Variants in CCNF observed in about 807,000 individuals in gnomAD.
The protein encoded by CCNF is cyclin-F.
Under a neutral mutation model 85.4 loss-of-function variants are expected in CCNF, and 30 were observed. The observed-to-expected ratio is 0.35, with a 90% confidence interval of 0.26 to 0.48. The LOEUF (loss-of-function observed/expected upper bound fraction) is 0.48, where lower values mean the gene tolerates loss of function less well. Ranked by LOEUF, CCNF falls within the 20% of genes least tolerant of loss-of-function variation. The probability of loss-of-function intolerance (pLI) is 0.99; values close to 1 mark genes in which losing one functional copy is unlikely to be tolerated. For synonymous variants in CCNF, 439 were observed against 425.1 expected, an observed-to-expected ratio of 1.03 and a Z score of -0.40; for missense variants, 919 against 1,010.4, an observed-to-expected ratio of 0.91 and a Z score of 1.23.
chr16:2,455,541 G>A lies in CCNF; in HGVS notation c.1862G>A (p.Ser621Asn). Residue 621 changes from serine (S) to asparagine (N), a missense_variant, in exon 16 of 17, where the codon AGT (serine) becomes AAT (asparagine). This residue lies in a region of CCNF where 505 missense variants were observed against 514.8 expected (regional missense o/e 0.98). Transcript: ENST00000397066. ...CCSGYEGDQE[S>N]EGEKEGDVTA... is the part of the protein sequence containing the mutation. ...TCTGGCTATGAAGGCGACCAGGAGA[G>A]TGAGGGCGAGAAGGAGGGCGACGGT... The A allele has an allele frequency of 6.2e-7, 1 of 1,600,564 alleles. No homozygotes were observed. Among genetic ancestry groups the A allele is most frequent in the Non-Finnish European group, 8.6e-7 (1 of 1,169,022 alleles).
intron 11 of CCNF, 114 bp downstream of exon 11, chr16:2,449,092 GTC>G: frequency 6.7e-7 from 1 of 1,487,450 alleles, no homozygotes; most frequent in South Asian, 1.1e-5. Flanking sequence ...GAGAGCAGCT[GTC>G]TCTGCTGTGC....
Position 2,448,886 on chromosome 16 carries a change from G to A in CCNF, c.1126G>A (p.Glu376Lys). The A allele has an allele frequency of 1.1e-5, 17 of 1,613,964 alleles. No homozygotes were observed. The highest frequency in any genetic ancestry group is 1.4e-5 in the Non-Finnish European group (17 of 1,179,808). The change falls in exon 11 of 17, where the codon GAG (glutamate) becomes AAG (lysine). Residue 376 changes from glutamate (E) to lysine (K), a missense_variant. Coordinates refer to ENST00000397066, the MANE Select transcript of CCNF (RefSeq NM_001761.3). ...FISKEILTIR[E>K]AVWLTDNTYK... ...CAGTAAAGAGATCCTGACCATCCGG[G>A]AGGCCGTATGGCTCACGGACAACAC...
At chr16:2,429,628 G>C in intron 1 of CCNF, 131 bp downstream of exon 1, 1 of 951,016 alleles carries the variant, frequency 1.1e-6, no homozygotes, top group Non-Finnish European at 1.4e-6. Flanking sequence ...TCTTTAACCC[G>C]GGGCGGATGT....
At chr16:2,447,454 C>T (rs1444448906) in intron 10 of CCNF, among the ~76,000 whole-genome samples, 1 of 151,948 alleles carries the variant, frequency 6.6e-6, no homozygotes, top group African/African-American at 2.4e-5. Context: ...CGTGGTGGTG[C>T]ATGCCTGTAA....
chr16:2,449,967 G>T, intron 13 of CCNF, 52 bp downstream of exon 13: 1 of 1,286,722 alleles, frequency 7.8e-7, no homozygotes. Flanking sequence ...AGCACTTTGG[G>T]AGGCCGAGGC....
In CCNF at chr16:2,451,981, G is replaced by A. The variant is rs1462973121; in HGVS notation, c.1488-1229G>A. 2.0e-5 allele frequency among the ~76,000 whole-genome samples: 3 copies of A among 152,234 alleles called. No homozygotes were observed. Among genetic ancestry groups the A allele is most frequent in the Non-Finnish European group, 2.9e-5 (2 of 68,040 alleles). On this transcript the variant is annotated intron_variant, in intron 13 of 16. Transcript: ENST00000397066. The surrounding 1 kb of genome is among the most constrained non-coding windows in gnomAD (Gnocchi z 4.3). ...TTGCCTGTTCTGGCCCTGGTGGGTC[G>A]TGGTGCATGAAGCCCTGTGTGCCCA...
rs775441275 is a variant in CCNF, at chr16:2,443,627, A to C, written c.778-22A>C. 16 of 1,608,776 alleles carry C rather than the reference A, an allele frequency of 9.9e-6. No homozygotes were observed. In the Admixed American group the frequency reaches 2.5e-4, roughly 25 times the overall value. On this transcript the variant is annotated intron_variant, in intron 8 of 16. Coordinates refer to ENST00000397066, the MANE Select transcript of CCNF (RefSeq NM_001761.3). ...GCAACATGGCTGCTGTCTCACGCTC[A>C]TGTTTGTCTTTTCTTCCTCAGCTGT...
chr16:2,447,783 G>GCCC (rs1222695351), intron 10 of CCNF, among the ~76,000 whole-genome samples: 1 of 151,864 alleles, frequency 6.6e-6, no homozygotes, highest in African/African-American at 2.4e-5. Flanking sequence ...AGGCTGAGCT[G>GCCC]CCCCCCACCT....
chr16:2,438,176 CGA>C (rs1596918025), intron 6 of CCNF, 53 bp downstream of exon 6: 1 of 1,300,954 alleles, frequency 7.7e-7, no homozygotes, highest in East Asian at 2.3e-5. Flanking sequence ...CATCCCTAGC[CGA>C]GATCCTGGAA....
Position 2,456,241 on chromosome 16 carries a change from C to A in CCNF, c.1886-304C>A. 2.9e-6 allele frequency: 1 copy of A among 348,332 alleles called. No individual in the cohort carries two copies. Among genetic ancestry groups the A allele is most frequent in the Non-Finnish European group, 5.3e-6 (1 of 190,248 alleles). The allele number at this position is 348,332 out of a possible 1,614,324, so 21.6% of individuals were successfully genotyped here. A position where few individuals can be genotyped will look rare whatever the true frequency, so the allele number is the denominator to read the frequency against. Reference sequence around the variant, plus strand: ...CCCTGTGCAAACCCCAGGCAGACTGCGGGGTCCTTGCCAGAAGCCCAGTTA... The same window carrying A: ...CCCTGTGCAAACCCCAGGCAGACTGAGGGGTCCTTGCCAGAAGCCCAGTTA... On this transcript the variant is annotated intron_variant, in intron 16 of 16. Coordinates refer to ENST00000397066, the MANE Select transcript of CCNF (RefSeq NM_001761.3). This position sits in a 1 kb window ranked among gnomAD's most constrained non-coding sequence, Gnocchi z 4.5.
rs2065440905 is a variant in CCNF at position 2,458,150 on chromosome 16, C to T, written c.*1130C>T. 1 of 152,156 alleles carries T rather than the reference C, an allele frequency of 6.6e-6. No individual in the cohort carries two copies. The highest frequency in any genetic ancestry group is 1.5e-5 in the Non-Finnish European group (1 of 68,038). The allele number at this position is 152,156 out of a possible 1,614,324, so 9.4% of individuals were successfully genotyped here. A position where few individuals can be genotyped will look rare whatever the true frequency, so the allele number is the denominator to read the frequency against. ...GCCTGGGGCCATGTGACCATGGCCT[C>T]TCCCTGGGAACGGGCTGACCACAAC... On this transcript the variant is annotated 3_prime_UTR_variant, in exon 17 of 17. Transcript: ENST00000397066.
intron 9 of CCNF, 163 bp from the exon 10 acceptor site, chr16:2,445,295 G>A (rs916049176): frequency 3.0e-5 from 23 of 755,230 alleles, no homozygotes; most frequent in African/African-American, 3.5e-5. Context: ...GGAGCCTCCC[G>A]GGCTTCCTGT....
At chr16:2,442,755 A>AT (rs1383018143) in intron 8 of CCNF, among the ~76,000 whole-genome samples, 1 of 39,294 alleles carries the variant, frequency 2.5e-5, no homozygotes, top group Non-Finnish European at 3.7e-5. Context: ...TAATAATTAT[A>AT]ATAATATAAT....
chr16:2,448,706 TG>T, intron 10 of CCNF, 148 bp from the exon 11 acceptor site: 1 of 704,364 alleles, frequency 1.4e-6, no homozygotes, highest in Non-Finnish European at 2.4e-6. Flanking sequence ...CACAGGCAGC[TG>T]GCTCCATTAT....
At position 2,451,393 on chromosome 16, in the gene CCNF, G is replaced by A. The variant is rs2065394445; in HGVS notation, c.1487+1478G>A. Among the ~76,000 whole-genome samples the A allele has an allele frequency of 1.3e-5, 2 of 152,110 alleles. No individual in the cohort carries two copies. Among genetic ancestry groups the A allele is most frequent in the Admixed American group, 6.5e-5 (1 of 15,278 alleles). On this transcript the variant is annotated intron_variant, in intron 13 of 16. Coordinates refer to ENST00000397066, the MANE Select transcript of CCNF (RefSeq NM_001761.3). The surrounding 1 kb of genome is among the most constrained non-coding windows in gnomAD (Gnocchi z 4.3). The stretch of plus-strand genomic sequence containing the variant: ...TGGCAGTGAGGGGTGAGGGGGACAA[G>A]CACGGGGCTGAATTTGTACCCGGCC...
Position 2,453,156 on chromosome 16 carries a change from T to G in CCNF, c.1488-54T>G. 6.7e-7 allele frequency: 1 copy of G among 1,498,148 alleles called. No homozygotes were observed. The highest frequency in any genetic ancestry group is 9.3e-7 in the Non-Finnish European group (1 of 1,075,114). 92.8% of individuals were successfully genotyped at this position (1,498,148 alleles called of 1,614,324 possible). Reference sequence around the variant, plus strand: ...ATTGCTCACTTCAGTGAACTGAAGCTAAAAATGGGGTGGGGGTGCCTCACA... The same window carrying G: ...ATTGCTCACTTCAGTGAACTGAAGCGAAAAATGGGGTGGGGGTGCCTCACA... On this transcript the variant is annotated intron_variant, in intron 13 of 16. Coordinates refer to ENST00000397066, the MANE Select transcript of CCNF (RefSeq NM_001761.3). This position sits in a 1 kb window ranked among gnomAD's most constrained non-coding sequence, Gnocchi z 5.6.
Position 2,451,198 on chromosome 16 carries a change from C to T in CCNF, c.1487+1283C>T, listed in dbSNP as rs2065393310. The stretch of plus-strand genomic sequence containing the variant: ...AGGACAGAGAGTTCAGAGGTCAGGT[C>T]GTGACGAGAGAAACAGCAGGCAGGC... On this transcript the variant is annotated intron_variant, in intron 13 of 16. Transcript: ENST00000397066. The surrounding 1 kb of genome is among the most constrained non-coding windows in gnomAD (Gnocchi z 4.3). Among the ~76,000 whole-genome samples the T allele has an allele frequency of 6.6e-6, 1 of 152,194 alleles. No individual in the cohort carries two copies. The highest frequency in any genetic ancestry group is 2.1e-4 in the South Asian group (1 of 4,836).
At chr16:2,449,193 CG>C in intron 11 of CCNF, 88 bp from the exon 12 acceptor site, 1 of 1,524,662 alleles carries the variant, frequency 6.6e-7, no homozygotes, top group South Asian at 1.1e-5. Context: ...GAACATCATC[CG>C]GGCCAGACCC....
intron 15 of CCNF, among the ~76,000 whole-genome samples, chr16:2,454,208 C>T (rs942394877): frequency 1.2e-4 from 18 of 152,164 alleles, no homozygotes; most frequent in African/African-American, 3.1e-4. Context: ...AGCGTTGTGT[C>T]GGGAGTGGGC....
Sources: gnomAD v4.1 joint callset for allele counts (sites outside exome capture counted in the v4.1 genomes callset) on GRCh38, gnomAD v4.1.1 for gene constraint, gnomAD v4.1.1 regional missense constraint, Gnocchi (gnomAD v3.1) non-coding constraint, MANE v1.5 for transcripts, NCBI Gene and HGNC (gene_info 2026-07-23, HGNC 2026-07-21) for gene names.